Variants in FOXK1 observed in about 807,000 individuals in gnomAD.
FOXK1 encodes forkhead box protein K1.
Under a neutral mutation model 51.9 loss-of-function variants are expected in FOXK1, and 19 were observed. The observed-to-expected ratio is 0.37, with a 90% CI of 0.26 to 0.54. FOXK1 has a LOEUF of 0.54. FOXK1 is among the 20% of genes least tolerant of loss of function. The pLI is 0.87. For synonymous variants in FOXK1, 537 were observed against 482.6 expected, an observed-to-expected ratio of 1.11 and a Z score of -1.48; for missense variants, 870 against 1,032.7, an observed-to-expected ratio of 0.84 and a Z score of 2.16.
At chr7:4,737,141 C>T (rs965466077) in intron 1 of FOXK1, among the ~76,000 whole-genome samples, 1 of 152,144 alleles carries the variant, frequency 6.6e-6, no homozygotes, top group Non-Finnish European at 1.5e-5. Flanking sequence ...GGATCCCCTT[C>T]TTCTTGTGAC....
intron 1 of FOXK1, among the ~76,000 whole-genome samples, chr7:4,718,208 A>G (rs1780262341): frequency 6.7e-6 from 1 of 148,866 alleles, no homozygotes; most frequent in Non-Finnish European, 1.5e-5. Context: ...GGAAGTTGGC[A>G]TCGGTGCGCT....
chr7:4,748,008 C>T lies in FOXK1; in HGVS notation c.747-6451C>T, dbSNP rs1431864396. Among the ~76,000 whole-genome samples the T allele has an allele frequency of 6.6e-6, 1 of 152,178 alleles. No homozygotes were observed. Among genetic ancestry groups the T allele is most frequent in the Non-Finnish European group, 1.5e-5 (1 of 68,042 alleles). On this transcript the variant is annotated intron_variant, in intron 2 of 8. Coordinates refer to ENST00000328914, the MANE Select transcript of FOXK1 (RefSeq NM_001037165.2). The surrounding 1 kb of genome is among the most constrained non-coding windows in gnomAD (Gnocchi z 4.9). ...TCCACTAGTTAATTTTTAAAAATAG[C>T]TTCCCAGCATTTTACAATGTCGGAT...
At chr7:4,760,554 T>G (rs896618194) in intron 7 of FOXK1, among the ~76,000 whole-genome samples, 1 of 152,176 alleles carries the variant, frequency 6.6e-6, no homozygotes, top group Non-Finnish European at 1.5e-5. Flanking sequence ...CTAAGGTATT[T>G]AAAATACTGT....
chr7:4,719,772 G>A (rs1304570431), intron 1 of FOXK1, among the ~76,000 whole-genome samples: 5 of 152,158 alleles, frequency 3.3e-5, no homozygotes, highest in African/African-American at 4.8e-5. Context: ...TTGAGCCACC[G>A]CGCCCGGCCT....
rs1780803598 is a variant in FOXK1 at position 4,753,402 on chromosome 7, G to C, written c.747-1057G>C. ...CGGGAGGAGGAGAATGGACCTTCTG[G>C]ATGGTTCTGGATGGTTCTGGGTGGT... is the stretch of plus-strand genomic sequence containing the variant. On this transcript the variant is annotated intron_variant, in intron 2 of 8. Coordinates refer to ENST00000328914, the MANE Select transcript of FOXK1 (RefSeq NM_001037165.2). This position sits in a 1 kb window ranked among gnomAD's most constrained non-coding sequence, Gnocchi z 4.9. Among the ~76,000 whole-genome samples the C allele has an allele frequency of 6.6e-6, 1 of 151,910 alleles. No homozygotes were observed. The highest frequency in any genetic ancestry group is 2.4e-5 in the African/African-American group (1 of 41,246).
At chr7:4,759,984 T>G in intron 7 of FOXK1, 1 of 228,468 alleles carries the variant, frequency 4.4e-6, no homozygotes, top group Non-Finnish European at 8.5e-6. Context: ...TGAGCTAGAC[T>G]GCGCCACTGC....
rs370690929 is a variant in FOXK1 at position 4,761,652 on chromosome 7, G to A, written c.1921+364G>A. Among the ~76,000 whole-genome samples the A allele has an allele frequency of 2.6e-5, 4 of 152,034 alleles. No homozygotes were observed. The East Asian group carries it at 5.8e-4, about 22-fold the overall frequency. ...AGTGAGGCTGTAGTCAGCTGTGATT[G>A]CTCCGCTACCTGCCAGCCTGGGTGA... On this transcript the variant is annotated intron_variant, in intron 8 of 8. Coordinates refer to ENST00000328914, the MANE Select transcript of FOXK1 (RefSeq NM_001037165.2). This position sits in a 1 kb window ranked among gnomAD's most constrained non-coding sequence, Gnocchi z 6.2.
At chr7:4,701,225 C>T (rs909596561) in intron 1 of FOXK1, among the ~76,000 whole-genome samples, 3 of 152,158 alleles carry the variant, frequency 2.0e-5, no homozygotes, top group African/African-American at 7.2e-5. Context: ...TTCTGAGCTG[C>T]TTATCTAGAG....
At chr7:4,740,168 C>T (rs536527702) in intron 1 of FOXK1, among the ~76,000 whole-genome samples, 114 of 152,252 alleles carry the variant, frequency 7.5e-4, no homozygotes, top group African/African-American at 2.6e-3. Context: ...CGGTGGCTCA[C>T]GCCTGTAATC....
Position 4,730,010 on chromosome 7 carries a change from GA to G in FOXK1, c.561-10824del, listed in dbSNP as rs971942985. On this transcript the variant is annotated intron_variant, in intron 1 of 8. Transcript: ENST00000328914. This position sits in a 1 kb window ranked among gnomAD's most constrained non-coding sequence, Gnocchi z 4.7. ...GTCGAAACAATTTAAATAAAAAAAA[GA>G]AAAGGAAAAAGAAAGCCCGGCTTCG... 6.6e-6 allele frequency among the ~76,000 whole-genome samples: 1 copy of G among 152,134 alleles called. No homozygotes were observed. The highest frequency in any genetic ancestry group is 2.4e-5 in the African/African-American group (1 of 41,442).
intron 1 of FOXK1, among the ~76,000 whole-genome samples, chr7:4,712,398 G>T (rs954146333): frequency 6.6e-6 from 1 of 152,200 alleles, no homozygotes; most frequent in African/African-American, 2.4e-5. Context: ...GTTCCTTGGA[G>T]TGAAGGCTCC....
chr7:4,739,112 T>C (rs1031972570), intron 1 of FOXK1, among the ~76,000 whole-genome samples: 3 of 152,168 alleles, frequency 2.0e-5, no homozygotes, highest in African/African-American at 4.8e-5. Context: ...TTTACGTAGA[T>C]TGACTATTTA....
intron 1 of FOXK1, among the ~76,000 whole-genome samples, chr7:4,726,399 C>G (rs1780381785): frequency 1.3e-5 from 2 of 152,154 alleles, no homozygotes; most frequent in Admixed American, 1.3e-4. Flanking sequence ...CCTGGCAGAT[C>G]ATTTGAAGTC....
rs1341977041 is a variant in FOXK1, at chr7:4,758,088, T to A, written c.1244+901T>A. The A allele has an allele frequency of 6.6e-6, 1 of 152,284 alleles. No individual in the cohort carries two copies. The highest frequency in any genetic ancestry group is 6.5e-5 in the Admixed American group (1 of 15,288). The allele number at this position is 152,284 out of a possible 1,614,324, so 9.4% of individuals were successfully genotyped here. A position where few individuals can be genotyped will look rare whatever the true frequency, so the allele number is the denominator to read the frequency against. On this transcript the variant is annotated intron_variant, in intron 5 of 8. Coordinates refer to ENST00000328914, the MANE Select transcript of FOXK1 (RefSeq NM_001037165.2). The surrounding 1 kb of genome is among the most constrained non-coding windows in gnomAD (Gnocchi z 4.4). Reference sequence around the variant, plus strand: ...AAATGGATTGCGGTTGTGGGTCTTTTGGTAGCACTAAGCTTTCTGTTGCAG... The same window carrying A: ...AAATGGATTGCGGTTGTGGGTCTTTAGGTAGCACTAAGCTTTCTGTTGCAG...
In FOXK1 at chr7:4,731,593, C is replaced by G. The variant is rs1332190446; in HGVS notation, c.561-9245C>G. ...TGGCCAACATGGTGAAACCCCATCT[C>G]TACTAAAAATACAAAAATTAGCCGG... On this transcript the variant is annotated intron_variant, in intron 1 of 8. Coordinates refer to ENST00000328914, the MANE Select transcript of FOXK1 (RefSeq NM_001037165.2). This position sits in a 1 kb window ranked among gnomAD's most constrained non-coding sequence, Gnocchi z 5.3. 6.6e-6 allele frequency among the ~76,000 whole-genome samples: 1 copy of G among 152,080 alleles called. No homozygotes were observed. The highest frequency in any genetic ancestry group is 1.5e-5 in the Non-Finnish European group (1 of 67,996).
At chr7:4,759,752 C>G in intron 7 of FOXK1, 157 bp downstream of exon 7, 1 of 931,540 alleles carries the variant, frequency 1.1e-6, no homozygotes. Flanking sequence ...TCAGCATGAG[C>G]TGGGCAGGTG....
chr7:4,725,284 G>A (rs191922868), intron 1 of FOXK1, among the ~76,000 whole-genome samples: 2 of 152,332 alleles, frequency 1.3e-5, no homozygotes, highest in East Asian at 1.9e-4. Context: ...TTGGAGCACC[G>A]ACGCCATCGG....
intron 1 of FOXK1, among the ~76,000 whole-genome samples, chr7:4,719,824 G>C (rs1219750688): frequency 3.3e-5 from 5 of 152,126 alleles, no homozygotes; most frequent in African/African-American, 4.8e-5. Context: ...CATCTGCAGA[G>C]CCTCTTCAGT....
At chr7:4,751,241 G>A (rs957282453) in intron 2 of FOXK1, among the ~76,000 whole-genome samples, 32 of 149,414 alleles carry the variant, frequency 2.1e-4, no homozygotes, top group African/African-American at 7.4e-4. Context: ...GGATGGTCTC[G>A]CTCTCCTGAC....
Sources: gnomAD v4.1 joint callset for allele counts (sites outside exome capture counted in the v4.1 genomes callset) on GRCh38, gnomAD v4.1.1 for gene constraint, Gnocchi (gnomAD v3.1) non-coding constraint, MANE v1.5 for transcripts, NCBI Gene and HGNC (gene_info 2026-07-23, HGNC 2026-07-21) for gene names.